CD200: variants seen among roughly 807,000 people sequenced by gnomAD.
CD200 encodes the protein CD200 molecule, also known as OX-2 membrane glycoprotein.
A neutral mutation model predicts 30.9 loss-of-function variants in CD200; 15 were observed. The ratio of observed to expected loss-of-function variants is 0.49; its 90% CI spans 0.32 to 0.75. The LOEUF (loss-of-function observed/expected upper bound fraction) is 0.75, where lower values mean the gene tolerates loss of function less well. CD200 is among the 30% of genes least tolerant of loss of function. CD200 has a pLI of 0.03. For synonymous variants in CD200, 134 were observed against 126.2 expected, an observed-to-expected ratio of 1.06 and a Z score of -0.41; for missense variants, 262 against 324.2, an observed-to-expected ratio of 0.81 and a Z score of 1.47.
Position 112,340,975 on chromosome 3 carries a change from C to A in CD200, c.86C>A (p.Thr29Lys), listed in dbSNP as rs577207612. Residue 29 changes from threonine to lysine, a missense_variant, in exon 2 of 6, where the codon ACA (threonine) becomes AAA (lysine). By Grantham distance (78) the Thr-to-Lys change is moderately conservative. Transcript: ENST00000315711. ...VWVMAAVVLC[T>K]AQVQVVTQDE... ...GTCATGGCAGCAGTGGTGCTGTGCA[C>A]AGCACAAGGTAAAGAAACTCAATTC... 1.2e-6 allele frequency: 2 copies of A among 1,607,568 alleles called. No homozygotes were observed. Among genetic ancestry groups the A allele is most frequent in the Non-Finnish European group, 1.7e-6 (2 of 1,174,268 alleles).
chr3:112,357,271 A>AAAAAG (rs1553720695), intron 5 of CD200, among the ~76,000 whole-genome samples: 524 of 139,752 alleles, frequency 3.7e-3, no homozygotes, highest in East Asian at 6.6e-3. Flanking sequence ...AAAAAAAAAA[A>AAAAAG]AAAGAAAGAA....
intron 3 of CD200, 105 bp from the exon 4 acceptor site, chr3:112,347,453 T>C: frequency 8.7e-7 from 1 of 1,144,540 alleles, no homozygotes. Context: ...CTTTCTAGCC[T>C]CCATTATCTT....
chr3:112,341,786 A>G (rs1035079978), intron 2 of CD200, among the ~76,000 whole-genome samples: 59 of 152,208 alleles, frequency 3.9e-4, no homozygotes, highest in Non-Finnish European at 7.3e-5. Flanking sequence ...TCTAGTTTTG[A>G]GTTCCCTTTC....
chr3:112,351,939 G>A (rs768280145), intron 5 of CD200, among the ~76,000 whole-genome samples: 2 of 152,000 alleles, frequency 1.3e-5, no homozygotes, highest in Admixed American at 6.6e-5. Flanking sequence ...AGCTCTCATG[G>A]GAACTAACAG....
At chr3:112,354,613 A>G (rs1442998627) in intron 5 of CD200, among the ~76,000 whole-genome samples, 2 of 152,204 alleles carry the variant, frequency 1.3e-5, no homozygotes, top group African/African-American at 4.8e-5. Flanking sequence ...AGTACTCAAC[A>G]TGGCTTACAG....
intron 2 of CD200, among the ~76,000 whole-genome samples, chr3:112,343,190 C>A (rs1368207659): frequency 6.7e-6 from 1 of 148,372 alleles, no homozygotes; most frequent in African/African-American, 2.5e-5. Flanking sequence ...TATTTATACA[C>A]ACACAGAGAG....
chr3:112,340,813 A>T (rs2081222049), intron 1 of CD200, 89 bp from the exon 2 acceptor site: 11 of 877,962 alleles, frequency 1.3e-5, no homozygotes, highest in Non-Finnish European at 2.1e-5. Flanking sequence ...CTTAGCTACA[A>T]CATTCCCTGA....
chr3:112,333,418 C>T (rs2081041954), intron 1 of CD200, 194 bp downstream of exon 1: 1 of 985,432 alleles, frequency 1.0e-6, no homozygotes, highest in Non-Finnish European at 1.2e-6. Flanking sequence ...ATTTTGCCTT[C>T]CAAAGGGTGG....
intron 5 of CD200, among the ~76,000 whole-genome samples, chr3:112,353,688 G>C (rs957976717): frequency 2.0e-5 from 3 of 152,110 alleles, no homozygotes; most frequent in Non-Finnish European, 4.4e-5. Flanking sequence ...AAAAATATCT[G>C]TTCACCCCTC....
chr3:112,332,997 G>A, upstream of CD200: 1 of 622,444 alleles, frequency 1.6e-6, no homozygotes, highest in Non-Finnish European at 2.7e-6. Context: ...TCTGAAAATA[G>A]ACAAAGCTGA....
chr3:112,361,607 A>G lies in CD200; in HGVS notation c.*57A>G. On this transcript the variant is annotated 3_prime_UTR_variant, in exon 6 of 6. Coordinates refer to ENST00000315711, the MANE Select transcript of CD200 (RefSeq NM_005944.7). Reference sequence around the variant, plus strand: ...CTGGTCTACTTGAATTTGACACAAGAGAAAAGCAGGAGGAAAAGGGGCCAT... The same window carrying G: ...CTGGTCTACTTGAATTTGACACAAGGGAAAAGCAGGAGGAAAAGGGGCCAT... 6.6e-7 allele frequency: 1 copy of G among 1,516,224 alleles called. No homozygotes were observed. The highest frequency in any genetic ancestry group is 9.2e-7 in the Non-Finnish European group (1 of 1,090,840). 93.9% of individuals were successfully genotyped at this position (1,516,224 alleles called of 1,614,324 possible).
chr3:112,349,145 C>A (rs935894902), intron 4 of CD200, among the ~76,000 whole-genome samples: 4 of 152,146 alleles, frequency 2.6e-5, no homozygotes, highest in African/African-American at 9.7e-5. Context: ...TTTGCCTTTG[C>A]ATTGCAACAT....
chr3:112,345,958 A>G (rs752086438), intron 3 of CD200, among the ~76,000 whole-genome samples: 2 of 152,194 alleles, frequency 1.3e-5, no homozygotes, highest in Non-Finnish European at 2.9e-5. Flanking sequence ...TGAGAATAAG[A>G]GATTACTTTG....
intron 2 of CD200, among the ~76,000 whole-genome samples, chr3:112,341,957 G>T (rs2081248155): frequency 6.6e-6 from 1 of 152,154 alleles, no homozygotes; most frequent in South Asian, 2.1e-4. Flanking sequence ...ATACTCAGGG[G>T]TTCCAGCCTG....
intron 2 of CD200, among the ~76,000 whole-genome samples, chr3:112,342,613 G>A (rs1476964662): frequency 1.3e-5 from 2 of 151,744 alleles, no homozygotes; most frequent in African/African-American, 4.8e-5. Context: ...AGTAGAAACA[G>A]GGTTTCACTT....
At chr3:112,340,139 A>G (rs561552957) in intron 1 of CD200, among the ~76,000 whole-genome samples, 46 of 152,216 alleles carry the variant, frequency 3.0e-4, no homozygotes, top group Non-Finnish European at 6.0e-4. Context: ...GAAATATAGA[A>G]AAAATAAAGG....
At chr3:112,353,430 T>C (rs369873389) in intron 5 of CD200, among the ~76,000 whole-genome samples, 2 of 152,292 alleles carry the variant, frequency 1.3e-5, no homozygotes, top group South Asian at 2.1e-4. Flanking sequence ...CTAATCCATG[T>C]AGAAATATGT....
At chr3:112,338,684 G>A (rs141347898) in intron 1 of CD200, among the ~76,000 whole-genome samples, 1 of 152,308 alleles carries the variant, frequency 6.6e-6, no homozygotes, top group African/African-American at 2.4e-5. Context: ...TTTAAAAACA[G>A]CTTCAAAATT....
At chr3:112,335,978 A>G (rs768470195) in intron 1 of CD200, 2 of 1,612,754 alleles carry the variant, frequency 1.2e-6, no homozygotes, top group Non-Finnish European at 1.7e-6. Context: ...CTCTCCTTAC[A>G]GCTACACTCC....
Sources: gnomAD v4.1 joint callset for allele counts (sites outside exome capture counted in the v4.1 genomes callset) on GRCh38, gnomAD v4.1.1 for gene constraint, MANE v1.5 for transcripts, NCBI Gene and HGNC (gene_info 2026-07-23, HGNC 2026-07-21) for gene names.